Variants in RPL27A observed in about 807,000 individuals in gnomAD.
RPL27A encodes the protein large ribosomal subunit protein uL15.
For synonymous variants in RPL27A, 69 were observed against 68.3 expected, an observed-to-expected ratio of 1.01 and a Z score of -0.05; for missense variants, 118 against 189.4, an observed-to-expected ratio of 0.62 and a Z score of 2.21.
rs369537743 is a variant in RPL27A, at chr11:8,683,442, G to T, written c.67+177G>T. ...TCCAGTTCTAAGGAATTTCACATCA[G>T]TGGGGTAATAGGAATTGAGCAGGCA... On this transcript the variant is annotated intron_variant, in intron 2 of 4. Coordinates refer to ENST00000314138, the MANE Select transcript of RPL27A (RefSeq NM_000990.5). 127 of 620,778 alleles carry T rather than the reference G, an allele frequency of 2.0e-4. 1 individual carries two copies. The East Asian group carries it at 3.4e-3, about 16-fold the overall frequency. The allele number at this position is 620,778 out of a possible 1,614,324, so 38.5% of individuals were successfully genotyped here.
At chr11:8,685,459 C>G in intron 4 of RPL27A, 1 of 709,006 alleles carries the variant, frequency 1.4e-6, no homozygotes, top group Admixed American at 1.7e-5. Context: ...GAGTCACATC[C>G]TGACACAACT....
In RPL27A at chr11:8,689,768, C is replaced by T. The variant is rs780613983; in HGVS notation, c.*3962C>T. On this transcript the variant is annotated 3_prime_UTR_variant, in exon 5 of 5. Transcript: ENST00000314138. ...TTATTTTCCTCTCATTCCCACTTTA[C>T]GTTGTTTCAAATAACCTAGTTTGTG... 2.6e-5 allele frequency: 4 copies of T among 152,180 alleles called. No homozygotes were observed. The highest frequency in any genetic ancestry group is 2.1e-4 in the South Asian group (1 of 4,830). The allele number at this position is 152,180 out of a possible 1,614,324, so 9.4% of individuals were successfully genotyped here. A position where few individuals can be genotyped will look rare whatever the true frequency, so the allele number is the denominator to read the frequency against.
rs935201831 is a variant in RPL27A at position 8,683,342 on chromosome 11, T to C, written c.67+77T>C. ...AGCTAGTCTGGAGATCGGTAGCCTA[T>C]AAGTGGGTTAGAATAAGACCTTTTT... On this transcript the variant is annotated intron_variant, in intron 2 of 4. Coordinates refer to ENST00000314138, the MANE Select transcript of RPL27A (RefSeq NM_000990.5). 31 of 1,293,742 alleles carry C rather than the reference T, an allele frequency of 2.4e-5. No homozygotes were observed. In the Admixed American group the frequency reaches 5.4e-4, roughly 22 times the overall value. The allele number at this position is 1,293,742 out of a possible 1,614,324, so 80.1% of individuals were successfully genotyped here.
chr11:8,684,273 C>CTAGA lies in RPL27A; in HGVS notation c.143+193_143+196dup, dbSNP rs903940963. ...GGGTATCGGCTATTGCCTGAGTGTGCTAGAGTCCTCGAAGAGTAACTGCTG... is the reference window on the plus strand; with the variant it reads ...GGGTATCGGCTATTGCCTGAGTGTGCTAGATAGAGTCCTCGAAGAGTAACTGCTG... On this transcript the variant is annotated intron_variant, in intron 3 of 4. Transcript: ENST00000314138. The CTAGA allele has an allele frequency of 2.0e-5, 15 of 759,832 alleles. No homozygotes were observed. The African/African-American group carries it at 2.4e-4, about 12-fold the overall frequency. The allele number at this position is 759,832 out of a possible 1,614,324, so 47.1% of individuals were successfully genotyped here. A position where few individuals can be genotyped will look rare whatever the true frequency, so the allele number is the denominator to read the frequency against.
Position 8,683,219 on chromosome 11 carries a change from G to T in RPL27A, c.21G>T (p.Lys7Asn). 1 of 1,614,262 alleles carries T rather than the reference G, an allele frequency of 6.2e-7. No homozygotes were observed. Reference protein sequence around the residue: MPSRLRKTRKLRGHVSH... With the variant: MPSRLRNTRKLRGHVSH... ...CCACACAGCCATCCAGACTGAGGAA[G>T]ACCCGGAAACTTAGGGGCCACGTGA... is the stretch of plus-strand genomic sequence containing the variant. The change falls in exon 2 of 5, where the codon AAG becomes AAT. Residue 7 changes from lysine (K) to asparagine (N), a missense_variant. Lys to Asn is a moderately conservative substitution (Grantham distance 94). Transcript: ENST00000314138.
chr11:8,688,968 A>C lies in RPL27A; in HGVS notation c.*3162A>C, dbSNP rs1042796808. The C allele has an allele frequency of 3.3e-5, 5 of 152,274 alleles. No individual in the cohort carries two copies. The highest frequency in any genetic ancestry group is 1.2e-4 in the African/African-American group (5 of 41,474). 9.4% of individuals were successfully genotyped at this position (152,274 alleles called of 1,614,324 possible). On this transcript the variant is annotated 3_prime_UTR_variant, in exon 5 of 5. Coordinates refer to ENST00000314138, the MANE Select transcript of RPL27A (RefSeq NM_000990.5). ...ACCTTGGGTCTTACCCCGGCACCTG[A>C]GAACCACTTCCGGTGAGTAGCTTCT...
In RPL27A at chr11:8,688,955, A is replaced by G. The variant is rs2133621915; in HGVS notation, c.*3149A>G. On this transcript the variant is annotated 3_prime_UTR_variant, in exon 5 of 5. Transcript: ENST00000314138. Reference sequence around the variant, plus strand: ...CAACACAGACCGGACCTTGGGTCTTACCCCGGCACCTGAGAACCACTTCCG... The same window carrying G: ...CAACACAGACCGGACCTTGGGTCTTGCCCCGGCACCTGAGAACCACTTCCG... 1 of 152,306 alleles carries G rather than the reference A, an allele frequency of 6.6e-6. No individual in the cohort carries two copies. Among genetic ancestry groups the G allele is most frequent in the Admixed American group, 6.5e-5 (1 of 15,298 alleles). The allele number at this position is 152,306 out of a possible 1,614,324, so 9.4% of individuals were successfully genotyped here. A position where few individuals can be genotyped will look rare whatever the true frequency, so the allele number is the denominator to read the frequency against.
chr11:8,683,645 A>C (rs2039538561), intron 2 of RPL27A: 3 of 469,540 alleles, frequency 6.4e-6, no homozygotes, highest in African/African-American at 5.9e-5. Flanking sequence ...TGTGCGAGGA[A>C]GTATTGAGAT....
rs185245303 is a variant in RPL27A, at chr11:8,682,835, G to A, written c.3+19G>A. Reference sequence around the variant, plus strand: ...CAACATGGTAGGTGTTTCGTTTCTTGCCTCCTCTTCCTTGCCGGCGGAGAC... The same window carrying A: ...CAACATGGTAGGTGTTTCGTTTCTTACCTCCTCTTCCTTGCCGGCGGAGAC... On this transcript the variant is annotated intron_variant, in intron 1 of 4. Transcript: ENST00000314138. 1,241 of 1,610,580 alleles carry A rather than the reference G, an allele frequency of 7.7e-4. 10 individuals are homozygous for A. In the African/African-American group the frequency reaches 0.016, roughly 20 times the overall value.
chr11:8,683,020 C>T (rs1213146552), intron 1 of RPL27A, 182 bp from the exon 2 acceptor site: 13 of 850,908 alleles, frequency 1.5e-5, no homozygotes, highest in East Asian at 7.8e-5. Flanking sequence ...CTCTAGGACA[C>T]GCGGGCCCCT....
At chr11:8,683,860 T>G (rs769975208) in intron 2 of RPL27A, 146 bp from the exon 3 acceptor site, 1 of 713,224 alleles carries the variant, frequency 1.4e-6, no homozygotes, top group East Asian at 2.6e-5. Context: ...TTTCTATTTT[T>G]AGTAGAGTCG....
intron 4 of RPL27A, chr11:8,685,468 C>G (rs1418901072): frequency 1.4e-6 from 1 of 718,538 alleles, no homozygotes; most frequent in Non-Finnish European, 2.6e-6. Flanking sequence ...CCTGACACAA[C>G]TCTTGTCCTG....
chr11:8,685,425 G>A (rs763597573), intron 4 of RPL27A: 1 of 656,928 alleles, frequency 1.5e-6, no homozygotes. Context: ...TGAGCAGGAG[G>A]AGGCTTATGC....
chr11:8,683,114 C>T (rs2039520606), intron 1 of RPL27A, 88 bp from the exon 2 acceptor site: 12 of 1,371,972 alleles, frequency 8.7e-6, no homozygotes, highest in Admixed American at 1.7e-5. Flanking sequence ...GGTCTTTGAC[C>T]CACAGGCTTA....
Position 8,688,427 on chromosome 11 carries a change from T to A in RPL27A, c.*2621T>A, listed in dbSNP as rs952791602. 6.6e-6 allele frequency: 1 copy of A among 152,232 alleles called. No homozygotes were observed. Among genetic ancestry groups the A allele is most frequent in the Non-Finnish European group, 1.5e-5 (1 of 68,042 alleles). The allele number at this position is 152,232 out of a possible 1,614,324, so 9.4% of individuals were successfully genotyped here. On this transcript the variant is annotated 3_prime_UTR_variant, in exon 5 of 5. Transcript: ENST00000314138. ...GCTACTAACAGTTCTAAAAACTGTT[T>A]CATGTGATGAGGAACAGACGAAAAT...
At chr11:8,683,874 G>A (rs771137781) in intron 2 of RPL27A, 132 bp from the exon 3 acceptor site, 4 of 753,624 alleles carry the variant, frequency 5.3e-6, no homozygotes, top group African/African-American at 5.1e-5. Flanking sequence ...AGAGTCGGGG[G>A]TTTCTCCGTG....
Position 8,685,770 on chromosome 11 carries a change from T to C in RPL27A, c.411T>C (p.Ile137=), listed in dbSNP as rs981974768. The C allele has an allele frequency of 1.9e-6, 3 of 1,613,896 alleles. No individual in the cohort carries two copies. The African/African-American group carries it at 4.0e-5, about 22-fold the overall frequency. The change falls in exon 5 of 5, where the codon ATT becomes ATC. Residue 137 remains isoleucine, a synonymous_variant. Transcript: ENST00000314138. ...TCAGCAGAAGAGCTGAGGAGAAGATTAAGAGTGTTGGGGGGGCCTGTGTCC... is the reference window on the plus strand; with the variant it reads ...TCAGCAGAAGAGCTGAGGAGAAGATCAAGAGTGTTGGGGGGGCCTGTGTCC... ...KFFSRRAEEK[I]KSVGGACVLV...
At position 8,686,510 on chromosome 11, in the gene RPL27A, G is replaced by C. The variant is rs1487008958; in HGVS notation, c.*704G>C. 6.6e-6 allele frequency: 1 copy of C among 152,176 alleles called. No homozygotes were observed. The highest frequency in any genetic ancestry group is 1.5e-5 in the Non-Finnish European group (1 of 68,038). 9.4% of individuals were successfully genotyped at this position (152,176 alleles called of 1,614,324 possible). A position where few individuals can be genotyped will look rare whatever the true frequency, so the allele number is the denominator to read the frequency against. On this transcript the variant is annotated 3_prime_UTR_variant, in exon 5 of 5. Transcript: ENST00000314138. ...CCTCCAAAAGTTCTGGGATTATAGT[G>C]TGAGCCACTGCGCCCGGCCATGGCT...
rs970074672 is a variant in RPL27A at position 8,689,022 on chromosome 11, C to G, written c.*3216C>G. ...TCCGGAGACGATGACTCCCCCGCGT[C>G]CCAGACCGGAAGAAGCCCGGCGGAG... is the stretch of plus-strand genomic sequence containing the variant. On this transcript the variant is annotated 3_prime_UTR_variant, in exon 5 of 5. Transcript: ENST00000314138. 6.6e-6 allele frequency: 1 copy of G among 152,308 alleles called. No homozygotes were observed. The highest frequency in any genetic ancestry group is 1.5e-5 in the Non-Finnish European group (1 of 68,072). 9.4% of individuals were successfully genotyped at this position (152,308 alleles called of 1,614,324 possible).
Sources: gnomAD v4.1 joint callset for allele counts on GRCh38, gnomAD v4.1.1 for gene constraint, MANE v1.5 for transcripts, NCBI Gene and HGNC (gene_info 2026-07-23, HGNC 2026-07-21) for gene names.